The following NCAM2 variants were observed in gnomAD, a reference collection of about 807,000 sequenced individuals.
NCAM2 encodes N-CAM-2.
In NCAM2, 30 loss-of-function variants were observed where a neutral mutation model predicts 98.1. That is an observed-to-expected ratio of 0.31 (90% CI 0.23 to 0.41). NCAM2 has a LOEUF of 0.41. Ranked by LOEUF, NCAM2 falls within the 10% of genes least tolerant of loss-of-function variation. The pLI, the probability that NCAM2 is intolerant of heterozygous loss-of-function variation, is 1.00. For missense variants in NCAM2, 867 were observed against 1,005.8 expected, an observed-to-expected ratio of 0.86 and a Z score of 1.87; for synonymous variants, 368 against 342.4, an observed-to-expected ratio of 1.07 and a Z score of -0.83.
intron 9 of NCAM2, among the ~76,000 whole-genome samples, chr21:21,393,483 A>T (rs2076426768): frequency 6.6e-6 from 1 of 152,146 alleles, no homozygotes; most frequent in Non-Finnish European, 1.5e-5. Flanking sequence ...TTTTCTTATG[A>T]CTGTTTATTT....
At chr21:21,126,450 A>G (rs2146594124) in intron 1 of NCAM2, among the ~76,000 whole-genome samples, 1 of 151,968 alleles carries the variant, frequency 6.6e-6, no homozygotes, top group East Asian at 1.9e-4. Flanking sequence ...ATGTCTTCTA[A>G]CTTTTGATGT....
At chr21:21,096,530 G>A (rs1253210456) in intron 1 of NCAM2, among the ~76,000 whole-genome samples, 2 of 151,722 alleles carry the variant, frequency 1.3e-5, no homozygotes, top group African/African-American at 2.4e-5. Flanking sequence ...GAAATATTGA[G>A]AATTAAAATG....
At chr21:21,151,091 C>T (rs918944906) in intron 1 of NCAM2, among the ~76,000 whole-genome samples, 1 of 150,976 alleles carries the variant, frequency 6.6e-6, no homozygotes, top group African/African-American at 2.4e-5. Context: ...TTTTATTTTC[C>T]AGTGTTATTT....
intron 9 of NCAM2, among the ~76,000 whole-genome samples, chr21:21,399,265 T>A (rs1033878156): frequency 2.0e-5 from 3 of 152,240 alleles, no homozygotes; most frequent in African/African-American, 7.2e-5. Flanking sequence ...CTAGCCTCCA[T>A]GTAAGAATGG....
chr21:21,344,485 C>A (rs1202593950), intron 8 of NCAM2, among the ~76,000 whole-genome samples: 1 of 152,104 alleles, frequency 6.6e-6, no homozygotes, highest in African/African-American at 2.4e-5. Context: ...TTGTTGTAGT[C>A]TAGCAGTACT....
intron 1 of NCAM2, among the ~76,000 whole-genome samples, chr21:21,270,318 A>T (rs2072444002): frequency 6.6e-6 from 1 of 152,188 alleles, no homozygotes; most frequent in South Asian, 2.1e-4. Flanking sequence ...TAATGTACTC[A>T]GGGCCTAACT....
chr21:21,338,608 A>G (rs879314033), intron 8 of NCAM2, 74 bp downstream of exon 8: 10 of 1,362,466 alleles, frequency 7.3e-6, no homozygotes, highest in Non-Finnish European at 9.7e-6. Flanking sequence ...TAAATCACAA[A>G]TTAGTCTCCA....
rs1324543328 is a variant in NCAM2, at chr21:21,273,587, G to T, written c.56-6991G>T. ...TTGGGTTGGAAAATGAGAAGATTAT[G>T]GTTTATTTTAAGAACACTAAACTTA... is the stretch of plus-strand genomic sequence containing the variant. On this transcript the variant is annotated intron_variant, in intron 1 of 17. Coordinates refer to ENST00000400546, the MANE Select transcript of NCAM2 (RefSeq NM_004540.5). 4.6e-5 allele frequency among the ~76,000 whole-genome samples: 7 copies of T among 151,812 alleles called. No homozygotes were observed. The East Asian group carries it at 5.8e-4, about 13-fold the overall frequency.
At chr21:21,147,284 A>C (rs999766898) in intron 1 of NCAM2, 69 of 979,900 alleles carry the variant, frequency 7.0e-5, no homozygotes, top group Non-Finnish European at 8.1e-5. Context: ...CTGAATGAGA[A>C]TTACTACAAC....
Position 21,368,714 on chromosome 21 carries a change from C to T in NCAM2, c.1045-5149C>T, listed in dbSNP as rs2075844068. ...AAGGGCTTTACCATCATGATCTAAT[C>T]AACTCCCAAAGGCCCAACCTCCAAA... On this transcript the variant is annotated intron_variant, in intron 8 of 17. Transcript: ENST00000400546. Among the ~76,000 whole-genome samples, 7 of 151,776 alleles carry T rather than the reference C, an allele frequency of 4.6e-5. No individual in the cohort carries two copies. The South Asian group carries it at 1.5e-3, about 31-fold the overall frequency.
intron 16 of NCAM2, among the ~76,000 whole-genome samples, chr21:21,517,961 T>C (rs2826874): frequency 0.36 from 54,277 of 152,062 alleles, 10,563 homozygotes; most frequent in East Asian, 0.63. Context: ...TAAATGAGCT[T>C]GAATCCCAGT....
chr21:21,139,117 A>C (rs1484691679), intron 1 of NCAM2, among the ~76,000 whole-genome samples: 5 of 152,332 alleles, frequency 3.3e-5, no homozygotes, highest in Admixed American at 2.6e-4. Context: ...GTGGGCTCTA[A>C]ATTCAGACAA....
chr21:21,165,599 A>G (rs2067925194), intron 1 of NCAM2, among the ~76,000 whole-genome samples: 1 of 152,212 alleles, frequency 6.6e-6, no homozygotes, highest in African/African-American at 2.4e-5. Flanking sequence ...TGGAATGTGC[A>G]GAGTTGGGGT....
chr21:21,447,396 A>G (rs1290710383), intron 12 of NCAM2, among the ~76,000 whole-genome samples: 1 of 152,144 alleles, frequency 6.6e-6, no homozygotes, highest in Non-Finnish European at 1.5e-5. Flanking sequence ...TACAAAAATT[A>G]CCTCAAGATG....
intron 15 of NCAM2, among the ~76,000 whole-genome samples, chr21:21,482,493 AT>A (rs1323198735): frequency 1.3e-5 from 2 of 152,006 alleles, no homozygotes; most frequent in Non-Finnish European, 2.9e-5. Flanking sequence ...TATTTCATGC[AT>A]TGTAGACTGT....
rs533018844 is a variant in NCAM2, at chr21:21,212,048, G to A, written c.56-68530G>A. Reference sequence around the variant, plus strand: ...AATACCCATATAACCCAACGATTTCGTGCTTGGGCATGTATTCTAGAGAAA... The same window carrying A: ...AATACCCATATAACCCAACGATTTCATGCTTGGGCATGTATTCTAGAGAAA... On this transcript the variant is annotated intron_variant, in intron 1 of 17. Transcript: ENST00000400546. Among the ~76,000 whole-genome samples the A allele has an allele frequency of 2.0e-5, 3 of 152,268 alleles. No homozygotes were observed. The South Asian group carries it at 6.2e-4, about 32-fold the overall frequency.
rs186080056 is a variant in NCAM2 at position 21,082,085 on chromosome 21, G to A, written c.55+83467G>A. ...TCTACTAAAAATACAAAAATTAGCC[G>A]GGCGTGGTGGCAGGCGCATGTAGTC... On this transcript the variant is annotated intron_variant, in intron 1 of 17. Coordinates refer to ENST00000400546, the MANE Select transcript of NCAM2 (RefSeq NM_004540.5). Among the ~76,000 whole-genome samples, 790 of 151,424 alleles carry A rather than the reference G, an allele frequency of 5.2e-3. 7 individuals are homozygous for A. The highest frequency in any genetic ancestry group is 0.014 in the Middle Eastern group (4 of 292).
In NCAM2 at chr21:21,338,451, G is replaced by A. The variant is rs371257511; in HGVS notation, c.961G>A (p.Val321Ile). ...TTYENGQVTL[V>I]CDAEGEPIPE... The stretch of plus-strand genomic sequence containing the variant: ...ATATGAGAATGGTCAAGTCACACTC[G>A]TATGTGATGCGGAAGGGGAGCCTAT... Residue 321 changes from valine (V) to isoleucine (I), a missense_variant, in exon 8 of 18, where the codon GTA becomes ATA. Around this residue, in one of 5 missense-constraint regions of NCAM2, gnomAD observed 447 missense variants for 495.7 expected, o/e 0.90. Transcript: ENST00000400546. The A allele has an allele frequency of 2.1e-5, 34 of 1,612,780 alleles. No individual in the cohort carries two copies. Among genetic ancestry groups the A allele is most frequent in the Middle Eastern group, 1.7e-4 (1 of 6,052 alleles).
At chr21:21,241,110 A>G (rs897869450) in intron 1 of NCAM2, among the ~76,000 whole-genome samples, 1 of 152,154 alleles carries the variant, frequency 6.6e-6, no homozygotes, top group Non-Finnish European at 1.5e-5. Context: ...CCATTTGTAA[A>G]GTGTGATTTA....
Sources: gnomAD v4.1 joint callset for allele counts (sites outside exome capture counted in the v4.1 genomes callset) on GRCh38, gnomAD v4.1.1 for gene constraint, gnomAD v4.1.1 regional missense constraint, MANE v1.5 for transcripts, NCBI Gene and HGNC (gene_info 2026-07-23, HGNC 2026-07-21) for gene names.